CNTN6: variants seen among roughly 807,000 people sequenced by gnomAD.
The protein encoded by CNTN6 is contactin-6.
CNTN6 carries 137 observed loss-of-function variants against 122.8 expected under a neutral mutation model. The ratio of observed to expected loss-of-function variants is 1.12; its 90% CI spans 0.97 to 1.29. The LOEUF (loss-of-function observed/expected upper bound fraction) is 1.29. Among genes scored for constraint, CNTN6 ranks in the 50% most tolerant of loss-of-function variants. The pLI, the probability that CNTN6 is intolerant of heterozygous loss-of-function variation, is 0.00. For synonymous variants in CNTN6, 570 were observed against 426.0 expected (o/e 1.34, Z -4.16); for missense variants, 1,634 against 1,223.4 (o/e 1.34, Z -5.01).
At chr3:1,276,365 T>C (rs1226447649) in intron 4 of CNTN6, among the ~76,000 whole-genome samples, 2 of 152,206 alleles carry the variant, frequency 1.3e-5, no homozygotes, top group Non-Finnish European at 2.9e-5. Context: ...TGACGTATTC[T>C]TTCTAATTTT....
intron 4 of CNTN6, among the ~76,000 whole-genome samples, chr3:1,228,194 G>T (rs545095323): frequency 1.3e-5 from 2 of 151,920 alleles, no homozygotes; most frequent in African/African-American, 4.8e-5. Context: ...AAAAAAAACA[G>T]GGAAAAGATC....
chr3:1,351,062 G>C (rs1174062293), intron 11 of CNTN6, among the ~76,000 whole-genome samples: 1 of 151,768 alleles, frequency 6.6e-6, no homozygotes, highest in Non-Finnish European at 1.5e-5. Flanking sequence ...TAAAAAATCT[G>C]ATTATATGCC....
Position 1,254,987 on chromosome 3 carries a change from C to T in CNTN6, c.359-23426C>T, listed in dbSNP as rs549253758. On this transcript the variant is annotated intron_variant, in intron 4 of 22. Transcript: ENST00000446702. ...ATGCAGTTACGTTAATCTTGCTGGG[C>T]TAATTCATTACGTATTGTTGGCCCA... Among the ~76,000 whole-genome samples the T allele has an allele frequency of 2.3e-4, 35 of 152,122 alleles. No individual in the cohort carries two copies. In the South Asian group the frequency reaches 7.1e-3, roughly 31 times the overall value.
chr3:1,330,787 T>TAACAA (rs1702181722), intron 11 of CNTN6, among the ~76,000 whole-genome samples: 1 of 151,672 alleles, frequency 6.6e-6, no homozygotes, highest in Non-Finnish European at 1.5e-5. Context: ...ACAACTAAAG[T>TAACAA]GTGTTAAAAA....
At chr3:1,253,726 C>A (rs76178640) in intron 4 of CNTN6, among the ~76,000 whole-genome samples, 61 of 152,160 alleles carry the variant, frequency 4.0e-4, no homozygotes, top group African/African-American at 1.4e-3. Flanking sequence ...GATCTAACAC[C>A]GCTGTTGATC....
At chr3:1,200,826 A>G (rs1446459188) in intron 2 of CNTN6, among the ~76,000 whole-genome samples, 1 of 152,238 alleles carries the variant, frequency 6.6e-6, no homozygotes, top group East Asian at 1.9e-4. Context: ...CTTAAGAAGA[A>G]TAACTTGACT....
chr3:1,282,981 CTT>C (rs952888903), intron 5 of CNTN6, among the ~76,000 whole-genome samples: 5 of 151,306 alleles, frequency 3.3e-5, no homozygotes, highest in African/African-American at 1.2e-4. Context: ...ACACAAAACT[CTT>C]TTTTTTTGAG....
In CNTN6 at chr3:1,402,263, G is replaced by A. The variant is rs1380988860; in HGVS notation, c.2818-55G>A. On this transcript the variant is annotated intron_variant, in intron 21 of 22. Coordinates refer to ENST00000446702, the MANE Select transcript of CNTN6 (RefSeq NM_001289080.2). The stretch of plus-strand genomic sequence containing the variant: ...TCTTACAGTGTTCCAGAACAGTTGT[G>A]TGAACCTTAGAAAAGCAACATGTCC... The A allele has an allele frequency of 2.8e-6, 4 of 1,443,910 alleles. No individual in the cohort carries two copies. In the East Asian group the frequency reaches 9.2e-5, roughly 33 times the overall value. 89.4% of individuals were successfully genotyped at this position (1,443,910 alleles called of 1,614,324 possible).
At chr3:1,131,422 TCCTTGA>T (rs11280142) in intron 1 of CNTN6, among the ~76,000 whole-genome samples, 152,065 of 152,070 alleles carry the variant, frequency 1, 76,030 homozygotes, top group Middle Eastern at 1. Context: ...GGGGTTGCTC[TCCTTGA>T]CCTTGAGTTA....
chr3:1,213,724 G>A (rs956511414), intron 2 of CNTN6, among the ~76,000 whole-genome samples: 5 of 151,634 alleles, frequency 3.3e-5, no homozygotes, highest in African/African-American at 4.8e-5. Context: ...TACCATAGAC[G>A]TTACTTTTAA....
chr3:1,255,769 C>T (rs1019257456), intron 4 of CNTN6, among the ~76,000 whole-genome samples: 42 of 152,094 alleles, frequency 2.8e-4, no homozygotes, highest in South Asian at 2.1e-4. Flanking sequence ...AACTCCTGGG[C>T]TCAAGCAATC....
chr3:1,276,161 C>T (rs183460241), intron 4 of CNTN6, among the ~76,000 whole-genome samples: 24 of 152,210 alleles, frequency 1.6e-4, no homozygotes, highest in African/African-American at 5.3e-4. Context: ...TTCACATCTC[C>T]CATCCATTCC....
chr3:1,147,958 T>C lies in CNTN6; in HGVS notation c.-51T>C, dbSNP rs2125169780. 4.3e-6 allele frequency: 6 copies of C among 1,390,212 alleles called. No individual in the cohort carries two copies. The East Asian group carries it at 1.4e-4, about 32-fold the overall frequency. The allele number at this position is 1,390,212 out of a possible 1,614,324, so 86.1% of individuals were successfully genotyped here. A position where few individuals can be genotyped will look rare whatever the true frequency, so the allele number is the denominator to read the frequency against. On this transcript the variant is annotated 5_prime_UTR_variant, in exon 2 of 23. Coordinates refer to ENST00000446702, the MANE Select transcript of CNTN6 (RefSeq NM_001289080.2). The stretch of plus-strand genomic sequence containing the variant: ...GAGATACTGACTGGAAGATAGACTG[T>C]TTTGTTCCACCTGATTGTATGGGAG...
intron 2 of CNTN6, among the ~76,000 whole-genome samples, chr3:1,185,969 CAATT>C (rs375252914): frequency 2.8e-4 from 42 of 152,142 alleles, no homozygotes; most frequent in African/African-American, 9.6e-4. Context: ...TAACAAATAT[CAATT>C]AATTCACCTA....
chr3:1,148,860 G>A (rs1163586641), intron 2 of CNTN6, among the ~76,000 whole-genome samples: 1 of 152,098 alleles, frequency 6.6e-6, no homozygotes, highest in East Asian at 1.9e-4. Flanking sequence ...TGAGACAACT[G>A]TGCTGCCATG....
At chr3:1,358,874 C>A (rs1157900311) in intron 12 of CNTN6, among the ~76,000 whole-genome samples, 1 of 151,860 alleles carries the variant, frequency 6.6e-6, no homozygotes, top group Non-Finnish European at 1.5e-5. Flanking sequence ...AGTTCAAGAC[C>A]ATGGCAAGAC....
intron 1 of CNTN6, among the ~76,000 whole-genome samples, chr3:1,103,761 T>G (rs912951881): frequency 4.6e-5 from 7 of 152,168 alleles, no homozygotes; most frequent in Non-Finnish European, 1.0e-4. Context: ...AAGTCATTTT[T>G]CCAAAGAAAC....
chr3:1,275,482 A>G (rs1692171718), intron 4 of CNTN6, among the ~76,000 whole-genome samples: 1 of 152,082 alleles, frequency 6.6e-6, no homozygotes, highest in Admixed American at 6.6e-5. Flanking sequence ...GTGGTTCTCT[A>G]CCTCTAAATA....
intron 20 of CNTN6, chr3:1,401,183 AAATT>A (rs1173159771): frequency 1.3e-5 from 5 of 387,754 alleles, no homozygotes; most frequent in African/African-American, 8.6e-5. Flanking sequence ...AATGATTAAT[AAATT>A]AATACTGGAC....
Sources: allele counts gnomAD v4.1 joint callset (sites outside exome capture counted in the v4.1 genomes callset), GRCh38; gene constraint gnomAD v4.1.1; transcripts MANE v1.5; gene names NCBI Gene and HGNC (gene_info 2026-07-23, HGNC 2026-07-21).